STAG2: variants seen among roughly 807,000 people sequenced by gnomAD.
STAG2 encodes the protein STAG2 cohesin complex component.
A neutral mutation model predicts 108.1 loss-of-function variants in STAG2; 14 were observed. The observed-to-expected ratio is 0.13, with a 90% CI of 0.09 to 0.20. The LOEUF is 0.20. Among genes scored for constraint, STAG2 ranks in the 10% least tolerant of loss-of-function variants. The pLI is 1.00. For missense variants in STAG2, 440 were observed against 940.9 expected (o/e 0.47, Z 6.96); for synonymous variants, 307 against 302.7 (o/e 1.01, Z -0.15).
At position 124,039,849 on chromosome X, in the gene STAG2, T is replaced by G. The variant is rs142810576; in HGVS notation, c.385+2226T>G. Among the ~76,000 whole-genome samples, 451 of 109,770 alleles carry G rather than the reference T, an allele frequency of 4.1e-3. 4 individuals carry two copies. Among genetic ancestry groups the G allele is most frequent in the African/African-American group, 0.014 (426 of 30,154 alleles). ...TTTTAAAACAAGGCCGCAGAGCATG[T>G]TCCCTTTGTCAAATTCATTCCTTTT... On this transcript the variant is annotated intron_variant, in intron 6 of 34. Coordinates refer to ENST00000371145, the MANE Select transcript of STAG2 (RefSeq NM_001042750.2).
chrX:124,043,130 GT>G (rs1180244182), intron 7 of STAG2, among the ~76,000 whole-genome samples: 12 of 102,378 alleles, frequency 1.2e-4, no homozygotes, highest in Non-Finnish European at 2.0e-4. Flanking sequence ...AGTGTCAGTT[GT>G]TTTTTTTTTT....
chrX:124,086,517 C>A (rs2059112672), intron 29 of STAG2, 30 bp from the exon 30 acceptor site: 2 of 1,124,405 alleles, frequency 1.8e-6, no homozygotes, highest in Non-Finnish European at 2.4e-6. Flanking sequence ...ATTTCTGTAT[C>A]AAAGCTAACA....
chrX:123,993,585 G>T (rs1422916803), intron 1 of STAG2, among the ~76,000 whole-genome samples: 2 of 111,021 alleles, frequency 1.8e-5, no homozygotes, highest in Admixed American at 9.7e-5. Flanking sequence ...CCCAAGGCAG[G>T]AAGCAGGGAG....
intron 26 of STAG2, 86 bp from the exon 27 acceptor site, chrX:124,077,871 C>A (rs984221823): frequency 9.3e-6 from 5 of 540,270 alleles, no homozygotes; most frequent in African/African-American, 5.0e-5. Flanking sequence ...TACTTTGTGA[C>A]GTGTTTACAT....
chrX:124,062,296 T>C (rs916367358), intron 17 of STAG2, among the ~76,000 whole-genome samples: 14 of 112,426 alleles, frequency 1.2e-4, no homozygotes, highest in African/African-American at 3.5e-4. Context: ...ACTTGCATTT[T>C]ATACCAACAA....
At chrX:124,064,918 T>C (rs1053765729) in intron 20 of STAG2, among the ~76,000 whole-genome samples, 4 of 111,629 alleles carry the variant, frequency 3.6e-5, no homozygotes, top group African/African-American at 1.3e-4. Flanking sequence ...TACATTCAGT[T>C]TTTTTGATTA....
chrX:124,014,868 G>A (rs751816001), intron 1 of STAG2, among the ~76,000 whole-genome samples: 2 of 109,333 alleles, frequency 1.8e-5, no homozygotes, highest in African/African-American at 6.7e-5. Flanking sequence ...AGATATTTGC[G>A]AATGATATAT....
chrX:124,051,676 C>T (rs1459193616), intron 13 of STAG2, among the ~76,000 whole-genome samples: 10 of 110,046 alleles, frequency 9.1e-5, no homozygotes, highest in Non-Finnish European at 1.7e-4. Flanking sequence ...CTGCAAGCTC[C>T]ACCTCCCAGG....
chrX:124,064,560 C>T (rs1403988725), intron 20 of STAG2, among the ~76,000 whole-genome samples: 1 of 108,901 alleles, frequency 9.2e-6, no homozygotes, highest in African/African-American at 3.4e-5. Flanking sequence ...TCTCCGGCCT[C>T]AGTCTTCTGA....
intron 4 of STAG2, among the ~76,000 whole-genome samples, chrX:124,028,912 G>A (rs1322946412): frequency 4.0e-5 from 4 of 101,002 alleles, no homozygotes; most frequent in East Asian, 3.0e-4. Flanking sequence ...CTCAACCTCC[G>A]AAAGTATTGG....
chrX:124,067,394 A>G (rs1380348404), intron 23 of STAG2, among the ~76,000 whole-genome samples: 3 of 106,806 alleles, frequency 2.8e-5, no homozygotes, highest in East Asian at 5.9e-4. Flanking sequence ...TCAGCCTCCT[A>G]AGTAGCTGAA....
intron 1 of STAG2, among the ~76,000 whole-genome samples, chrX:124,002,650 G>GT (rs1206358323): frequency 9.1e-6 from 1 of 110,345 alleles, no homozygotes; most frequent in Non-Finnish European, 1.9e-5. Context: ...TTGAGACGAA[G>GT]TTTCACTCTT....
chrX:124,091,924 G>A (rs1046071007), intron 32 of STAG2, among the ~76,000 whole-genome samples: 20 of 111,959 alleles, frequency 1.8e-4, no homozygotes, highest in African/African-American at 6.5e-4. Context: ...ATTAGCTTTG[G>A]CTCTAAAAAA....
At chrX:124,017,473 GTGTT>G (rs1016732824) in intron 1 of STAG2, among the ~76,000 whole-genome samples, 1 of 111,530 alleles carries the variant, frequency 9.0e-6, no homozygotes, top group Non-Finnish European at 1.9e-5. Context: ...GCCTCCCAAA[GTGTT>G]TGGATTACAG....
chrX:123,973,397 C>G (rs2054460079), intron 1 of STAG2, among the ~76,000 whole-genome samples: 1 of 108,545 alleles, frequency 9.2e-6, no homozygotes. Context: ...AAAAAATTAG[C>G]CGGGCATGGT....
intron 1 of STAG2, among the ~76,000 whole-genome samples, chrX:123,992,049 G>A (rs561592202): frequency 6.2e-5 from 7 of 112,419 alleles, no homozygotes; most frequent in African/African-American, 2.3e-4. Context: ...GAGGATGTAC[G>A]TAGGTTAGAT....
At chrX:124,034,872 G>GTTA (rs1280381690) in intron 5 of STAG2, among the ~76,000 whole-genome samples, 8 of 85,662 alleles carry the variant, frequency 9.3e-5, no homozygotes, top group Non-Finnish European at 2.0e-4. Context: ...TGTTGTTGTT[G>GTTA]TTGTTGTTAT....
intron 6 of STAG2, among the ~76,000 whole-genome samples, chrX:124,038,411 A>AT (rs752659869): frequency 2.6e-3 from 266 of 102,993 alleles, no homozygotes; most frequent in African/African-American, 6.5e-3. Context: ...TTCTGGGGGT[A>AT]TTTTTTTTTT....
intron 13 of STAG2, among the ~76,000 whole-genome samples, chrX:124,053,318 CAT>C (rs2058097468): frequency 8.9e-6 from 1 of 111,816 alleles, no homozygotes; most frequent in Admixed American, 9.5e-5. Flanking sequence ...TGCAAAGAAA[CAT>C]TAATAAAATG....
Sources: gnomAD v4.1 joint callset for allele counts (sites outside exome capture counted in the v4.1 genomes callset) on GRCh38, gnomAD v4.1.1 for gene constraint, MANE v1.5 for transcripts, NCBI Gene and HGNC (gene_info 2026-07-23, HGNC 2026-07-21) for gene names.